Variants in PIEZO1 observed in about 807,000 individuals in gnomAD.
PIEZO1 encodes piezo type mechanosensitive ion channel component 1 (Er blood group), also known as piezo-type mechanosensitive ion channel component 1.
A neutral mutation model predicts 297.2 loss-of-function variants in PIEZO1; 296 were observed. The ratio of observed to expected loss-of-function variants is 1.00; its 90% CI spans 0.91 to 1.10. The LOEUF (loss-of-function observed/expected upper bound fraction) is 1.10, where lower values mean the gene tolerates loss of function less well. Among genes scored for constraint, PIEZO1 ranks in the 50% least tolerant of loss-of-function variants. PIEZO1 has a pLI of 0.00. For synonymous variants in PIEZO1, 2,427 were observed against 1,507.5 expected (o/e 1.61, Z -14.13); for missense variants, 5,018 against 3,455.5 (o/e 1.45, Z -11.34).
intron 2 of PIEZO1, 121 bp downstream of exon 2, chr16:88,749,263 C>T (rs539877458): frequency 5.5e-5 from 33 of 600,494 alleles, no homozygotes; most frequent in South Asian, 4.8e-4. Flanking sequence ...AATTTTATTT[C>T]GGGACCCCTC....
intron 35 of PIEZO1, 41 bp downstream of exon 35, chr16:88,722,542 C>G (rs1262961046): frequency 2.1e-6 from 3 of 1,456,602 alleles, no homozygotes; most frequent in East Asian, 2.5e-5. Context: ...TGCCCACACA[C>G]CAGGGGCAGC....
intron 27 of PIEZO1, 166 bp downstream of exon 27, chr16:88,726,118 G>C: frequency 1.6e-6 from 1 of 620,126 alleles, no homozygotes; most frequent in Non-Finnish European, 2.8e-6. Flanking sequence ...GTGTGATGGT[G>C]CCGGGGATCT....
Position 88,716,972 on chromosome 16 carries a change from G to T in PIEZO1, c.6660+51C>A, listed in dbSNP as rs1009774873. On this transcript the variant is annotated intron_variant, in intron 45 of 50. Coordinates refer to ENST00000301015, the MANE Select transcript of PIEZO1 (RefSeq NM_001142864.4). ...CGGCTGGGGGTGGTGCACCACCTTGGCCAGAACCCCCAGGGGATGGGAATG... is the reference window on the plus strand; with the variant it reads ...CGGCTGGGGGTGGTGCACCACCTTGTCCAGAACCCCCAGGGGATGGGAATG... 6.5e-6 allele frequency: 10 copies of T among 1,546,496 alleles called. No individual in the cohort carries two copies. The African/African-American group carries it at 1.4e-4, about 21-fold the overall frequency.
chr16:88,744,828 C>G (rs1386369380), intron 2 of PIEZO1, among the ~76,000 whole-genome samples: 1 of 151,970 alleles, frequency 6.6e-6, no homozygotes, highest in Non-Finnish European at 1.5e-5. Flanking sequence ...CTGGATCAGA[C>G]TAGGGAGCTG....
In PIEZO1 at chr16:88,742,333, C is replaced by T. The variant is rs1905734909; in HGVS notation, c.250G>A (p.Val84Met). 8 of 1,535,346 alleles carry T rather than the reference C, an allele frequency of 5.2e-6. No homozygotes were observed. The highest frequency in any genetic ancestry group is 7.0e-6 in the Non-Finnish European group (8 of 1,146,532). Reference sequence around the variant, plus strand: ...CCCAGGAGCTGGTCCAGGCGGGGCACAATATGCAGGCAGATCTGGAGGGCG... The same window carrying T: ...CCCAGGAGCTGGTCCAGGCGGGGCATAATATGCAGGCAGATCTGGAGGGCG... ...HLALQICLHI[V>M]PRLDQLLGPS... Residue 84 changes from valine to methionine, a missense_variant, in exon 3 of 51, where the codon GTG becomes ATG. Physicochemically the swap from Val to Met is conservative, Grantham distance 21. Transcript: ENST00000301015.
chr16:88,716,905 C>A lies in PIEZO1; in HGVS notation c.6661-7G>T, dbSNP rs1233857741. On this transcript the variant is annotated splice_region_variant and splice_polypyrimidine_tract_variant and intron_variant, in intron 45 of 50. Coordinates refer to ENST00000301015, the MANE Select transcript of PIEZO1 (RefSeq NM_001142864.4). ...CGCTCATGGTGAACAGCGGCTGGGG[C>A]AGGCACGGGGACACGGGGCCACGAA... 3 of 1,549,458 alleles carry A rather than the reference C, an allele frequency of 1.9e-6. No individual in the cohort carries two copies. The highest frequency in any genetic ancestry group is 2.6e-6 in the Non-Finnish European group (3 of 1,146,818).
Position 88,721,586 on chromosome 16 carries a change from G to T in PIEZO1, c.5355C>A (p.Tyr1785Ter), listed in dbSNP as rs748981838. The T allele has an allele frequency of 6.5e-7, 1 of 1,550,280 alleles. No individual in the cohort carries two copies. The highest frequency in any genetic ancestry group is 1.2e-5 in the South Asian group (1 of 84,056). Residue 1785 changes from tyrosine (Y) to a stop codon, truncating the protein, a stop_gained, in exon 38 of 51, where the codon TAC becomes TAA. Coordinates refer to ENST00000301015, the MANE Select transcript of PIEZO1 (RefSeq NM_001142864.4). LOFTEE classifies it high-confidence loss of function. The stretch of plus-strand genomic sequence containing the variant: ...AAAGGGCCATGAGCTGCACCAGGTC[G>T]TACTTGATGTAGCCGTCAGTCTTCT... ...GLEKTDGYIK[Y>*]DLVQLMALFF... is the part of the protein sequence containing the mutation.
Position 88,731,205 on chromosome 16 carries a change from C to G in PIEZO1, c.3196+501G>C, listed in dbSNP as rs4401036. 716 of 167,434 alleles carry G rather than the reference C, an allele frequency of 4.3e-3. 5 individuals carry two copies. Among genetic ancestry groups the G allele is most frequent in the African/African-American group, 0.016 (660 of 41,910 alleles). The allele number at this position is 167,434 out of a possible 1,614,324, so 10.4% of individuals were successfully genotyped here. ...GACTAGAGCAAACATCAGACCAGAT[C>G]CCGTCTGAAAACCAAATGGCCACAA... On this transcript the variant is annotated intron_variant, in intron 22 of 50. Transcript: ENST00000301015.
chr16:88,719,578 T>C lies in PIEZO1; in HGVS notation c.6467A>G (p.Glu2156Gly). The C allele has an allele frequency of 1.3e-6, 2 of 1,550,598 alleles. No individual in the cohort carries two copies. The change falls in exon 44 of 51, where the codon GAG becomes GGG. Residue 2156 changes from glutamate (E) to glycine (G), a missense_variant. Glu to Gly is a moderately conservative substitution (Grantham distance 98, BLOSUM62 -2). Transcript: ENST00000301015. ...CCCCGCCCTGGGCCCAGGCACCTTC[T>C]CTGTCTCTCGGCTGCATTTGATGAT... is the stretch of plus-strand genomic sequence containing the variant. ...IFIIKCSRET[E>G]KKYPQPKGQK... is the part of the protein sequence containing the mutation.
chr16:88,754,876 G>A (rs959835975), intron 1 of PIEZO1, among the ~76,000 whole-genome samples: 1 of 152,228 alleles, frequency 6.6e-6, no homozygotes, highest in African/African-American at 2.4e-5. Context: ...GAGACGAGCT[G>A]GGGGCATCGT....
At chr16:88,779,581 T>A (rs1907832763) in intron 1 of PIEZO1, among the ~76,000 whole-genome samples, 1 of 152,078 alleles carries the variant, frequency 6.6e-6, no homozygotes, top group Non-Finnish European at 1.5e-5. Flanking sequence ...CAGAGCTCTG[T>A]CCCACAGGAC....
At chr16:88,780,071 A>G (rs1254982430) in intron 1 of PIEZO1, among the ~76,000 whole-genome samples, 1 of 152,070 alleles carries the variant, frequency 6.6e-6, no homozygotes, top group Non-Finnish European at 1.5e-5. Context: ...TCAGAGCAAG[A>G]TAGGGTCGGC....
rs1046012703 is a variant in PIEZO1, at chr16:88,762,833, G to A, written c.65-13354C>T. Among the ~76,000 whole-genome samples the A allele has an allele frequency of 2.6e-5, 4 of 152,186 alleles. No homozygotes were observed. In the South Asian group the frequency reaches 6.2e-4, roughly 24 times the overall value. ...GCCCTGACCAGGCCTAGCTGAGAAG[G>A]ACAGCCACAAGGTGGTCCCTCGGCC... On this transcript the variant is annotated intron_variant, in intron 1 of 50. Coordinates refer to ENST00000301015, the MANE Select transcript of PIEZO1 (RefSeq NM_001142864.4).
chr16:88,725,775 C>G (rs894959004), intron 27 of PIEZO1, 91 bp from the exon 28 acceptor site: 15 of 714,128 alleles, frequency 2.1e-5, no homozygotes, highest in Non-Finnish European at 3.7e-5. Context: ...CGGGACAGCT[C>G]AGCCTGCTCC....
Position 88,721,856 on chromosome 16 carries a change from G to A in PIEZO1, c.5166C>T (p.Ile1722=), listed in dbSNP as rs780777811. The A allele has an allele frequency of 1.9e-6, 3 of 1,549,732 alleles. No homozygotes were observed. Among genetic ancestry groups the A allele is most frequent in the East Asian group, 4.9e-5 (2 of 40,906 alleles). ...VLVFLWAMLS[I]PRPSKRFWMT... ...TCCAGAAGCGCTTGCTGGGCCTCGG[G>A]ATCGACAGCATGGCCCACAGGAAGA... Residue 1722 remains isoleucine, a synonymous_variant, in exon 37 of 51, where the codon ATC becomes ATT. Transcript: ENST00000301015.
intron 1 of PIEZO1, among the ~76,000 whole-genome samples, chr16:88,757,045 C>G (rs1480864467): frequency 6.6e-6 from 1 of 152,150 alleles, no homozygotes; most frequent in Non-Finnish European, 1.5e-5. Context: ...CACTGCACTC[C>G]AGCCTGGGCG....
rs1054223788 is a variant in PIEZO1 at position 88,736,067 on chromosome 16, G to C, written c.1557+81C>G. ...CCTTCTTGGCGCTGCCACTCCCCCG[G>C]GCAAGTGGACATTGAACAGGACGAC... On this transcript the variant is annotated intron_variant, in intron 12 of 50. Transcript: ENST00000301015. The C allele has an allele frequency of 5.1e-6, 7 of 1,376,668 alleles. No individual in the cohort carries two copies. In the African/African-American group the frequency reaches 1.0e-4, roughly 20 times the overall value. 85.3% of individuals were successfully genotyped at this position (1,376,668 alleles called of 1,614,324 possible). A position where few individuals can be genotyped will look rare whatever the true frequency, so the allele number is the denominator to read the frequency against.
chr16:88,770,259 C>T (rs1435884104), intron 1 of PIEZO1, among the ~76,000 whole-genome samples: 2 of 152,198 alleles, frequency 1.3e-5, no homozygotes, highest in African/African-American at 4.8e-5. Flanking sequence ...CAGGACGTAT[C>T]CCCGAGACCT....
At chr16:88,735,334 G>A in intron 12 of PIEZO1, 88 bp from the exon 13 acceptor site, 4 of 922,126 alleles carry the variant, frequency 4.3e-6, no homozygotes, top group South Asian at 1.4e-5. Context: ...TATAGCAGGG[G>A]GCAAGAGCTC....
Sources: allele counts gnomAD v4.1 joint callset (sites outside exome capture counted in the v4.1 genomes callset), GRCh38; gene constraint gnomAD v4.1.1; transcripts MANE v1.5; gene names NCBI Gene and HGNC (gene_info 2026-07-23, HGNC 2026-07-21).